Variants in CFAP65 observed in about 807,000 individuals in gnomAD.
CFAP65 encodes cilia and flagella associated protein 65.
In CFAP65, 155 loss-of-function variants were observed where a neutral mutation model predicts 208.0. That is an observed-to-expected ratio of 0.75 (90% CI 0.65 to 0.85). CFAP65 has a LOEUF of 0.85. CFAP65 is among the 40% of genes least tolerant of loss of function. CFAP65 has a pLI of 0.00. For missense variants in CFAP65, 2,294 were observed against 2,451.3 expected (o/e 0.94, Z 1.36); for synonymous variants, 970 against 986.3 (o/e 0.98, Z 0.31).
intron 13 of CFAP65, chr2:219,027,253 CTT>C: frequency 2.2e-6 from 3 of 1,363,892 alleles, no homozygotes; most frequent in Non-Finnish European, 2.8e-6. Context: ...GTGCTGCTGA[CTT>C]TGTCTCTAGG....
intron 19 of CFAP65, among the ~76,000 whole-genome samples, chr2:219,020,049 T>G (rs940247392): frequency 6.7e-6 from 1 of 149,414 alleles, no homozygotes; most frequent in African/African-American, 2.5e-5. Flanking sequence ...ACAATTCAGT[T>G]TTTTTTTTTT....
chr2:219,025,060 C>T (rs928239974), intron 14 of CFAP65, among the ~76,000 whole-genome samples: 1 of 152,222 alleles, frequency 6.6e-6, no homozygotes, highest in Non-Finnish European at 1.5e-5. Context: ...GTGGCCAGCA[C>T]CAGCTGAGAG....
At position 219,009,403 on chromosome 2, in the gene CFAP65, C is replaced by T; in HGVS notation, c.4510G>A (p.Val1504Met). The change falls in exon 28 of 35, where the codon GTG becomes ATG. Residue 1504 changes from valine to methionine, a missense_variant. Physicochemically the swap from Val to Met is conservative, Grantham distance 21. Around this residue, in one of 2 missense-constraint regions of CFAP65, gnomAD observed 1,427 missense variants for 1,438.7 expected, o/e 0.99. Coordinates refer to ENST00000341552, the MANE Select transcript of CFAP65 (RefSeq NM_194302.4). The stretch of plus-strand genomic sequence containing the variant: ...GCATGCACAGAGGCCCTCAAGGTCA[C>T]CACAAATGGGACCGTCTCTTCAGGA... The part of the protein sequence containing the change: ...VAPEETVPFV[V>M]TLRASVHASF... The T allele has an allele frequency of 1.2e-6, 2 of 1,612,742 alleles. No individual in the cohort carries two copies. The highest frequency in any genetic ancestry group is 1.7e-6 in the Non-Finnish European group (2 of 1,179,958).
chr2:219,011,458 T>A (rs1946479987), intron 24 of CFAP65, among the ~76,000 whole-genome samples: 1 of 151,938 alleles, frequency 6.6e-6, no homozygotes, highest in South Asian at 2.1e-4. Context: ...AATATATATA[T>A]TTTTTAGAGA....
At chr2:219,036,198 C>T (rs973821380) in intron 4 of CFAP65, among the ~76,000 whole-genome samples, 2 of 152,210 alleles carry the variant, frequency 1.3e-5, no homozygotes, top group Non-Finnish European at 2.9e-5. Flanking sequence ...CTGTTCACCC[C>T]ACCCATCCCC....
chr2:219,012,799 T>C (rs1303205020), intron 24 of CFAP65, among the ~76,000 whole-genome samples: 3 of 152,216 alleles, frequency 2.0e-5, no homozygotes, highest in East Asian at 1.9e-4. Context: ...TCTAAATCAA[T>C]GTTGTGGGTC....
At position 219,031,604 on chromosome 2, in the gene CFAP65, C is replaced by T. The variant is rs200856330; in HGVS notation, c.700G>A (p.Gly234Ser). 3.8e-5 allele frequency: 61 copies of T among 1,614,060 alleles called. No individual in the cohort carries two copies. In the East Asian group the frequency reaches 4.5e-4, roughly 12 times the overall value. Reference protein sequence around the residue: ...FEKAEGMFCVGLRATLPCHRL... With the variant: ...FEKAEGMFCVSLRATLPCHRL... ...TGGCAGGGCAGGGTGGCCCGTAGGC[C>T]GACACAGAACATCCCCTCCGCTTTC... Residue 234 changes from glycine to serine, a missense_variant, in exon 7 of 35, where the codon GGC becomes AGC. Transcript: ENST00000341552. This position sits in a 1 kb window ranked among gnomAD's most constrained non-coding sequence, Gnocchi z 5.2.
chr2:219,022,712 T>C (rs1377779019), intron 16 of CFAP65, among the ~76,000 whole-genome samples: 3 of 152,204 alleles, frequency 2.0e-5, no homozygotes, highest in Non-Finnish European at 4.4e-5. Flanking sequence ...CCTGTGCTGG[T>C]GCTTCTTGTC....
chr2:219,031,468 G>C lies in CFAP65; in HGVS notation c.815+21C>G. On this transcript the variant is annotated intron_variant, in intron 7 of 34. Transcript: ENST00000341552. The surrounding 1 kb of genome is among the most constrained non-coding windows in gnomAD (Gnocchi z 5.2). ...CCTCACAGCTCTTGCTCTCCCCGCC[G>C]CACCTCAGCCTCTTCCTCACCCCAC... The C allele has an allele frequency of 6.2e-7, 1 of 1,614,090 alleles. No homozygotes were observed. The highest frequency in any genetic ancestry group is 8.5e-7 in the Non-Finnish European group (1 of 1,179,988).
chr2:219,026,561 T>C (rs1390588161), intron 13 of CFAP65: 1 of 164,290 alleles, frequency 6.1e-6, no homozygotes, highest in African/African-American at 2.4e-5. Flanking sequence ...ATGTTAATAG[T>C]ATATTTTATT....
chr2:219,006,358 T>G (rs1945980715), intron 30 of CFAP65, 107 bp downstream of exon 30: 1 of 1,511,072 alleles, frequency 6.6e-7, no homozygotes, highest in South Asian at 1.1e-5. Flanking sequence ...GGCACTTTCA[T>G]CCCTCCTTTC....
chr2:219,004,644 C>T lies in CFAP65; in HGVS notation c.5052-189G>A, dbSNP rs916991489. Among the ~76,000 whole-genome samples the T allele has an allele frequency of 2.6e-5, 4 of 152,140 alleles. No homozygotes were observed. Among genetic ancestry groups the T allele is most frequent in the Non-Finnish European group, 4.4e-5 (3 of 68,026 alleles). The stretch of plus-strand genomic sequence containing the variant: ...TTTGAGCCTCATGGATTTTTAGAAG[C>T]GAACATGGTATGCTGGAGGCAGGGC... On this transcript the variant is annotated intron_variant, in intron 32 of 34. Coordinates refer to ENST00000341552, the MANE Select transcript of CFAP65 (RefSeq NM_194302.4). This position sits in a 1 kb window ranked among gnomAD's most constrained non-coding sequence, Gnocchi z 4.7.
In CFAP65 at chr2:219,006,453, T is replaced by C. The variant is rs199764758; in HGVS notation, c.4719+12A>G. 526 of 1,613,684 alleles carry C rather than the reference T, an allele frequency of 3.3e-4. 2 individuals carry two copies. The highest frequency in any genetic ancestry group is 6.2e-4 in the East Asian group (28 of 44,872). On this transcript the variant is annotated intron_variant, in intron 30 of 34. Transcript: ENST00000341552. ...TGTCCCAAGAAGATGGGCCTGGGGCTCGCCGCCTCACCTTGTACTTCCTCG... is the reference window on the plus strand; with the variant it reads ...TGTCCCAAGAAGATGGGCCTGGGGCCCGCCGCCTCACCTTGTACTTCCTCG...
chr2:219,040,593 T>C, intron 1 of CFAP65, 29 bp from the exon 2 acceptor site: 1 of 1,552,274 alleles, frequency 6.4e-7, no homozygotes, highest in Non-Finnish European at 8.7e-7. Context: ...AGTCCATTAC[T>C]TTTCTGCCAC....
At position 219,004,305 on chromosome 2, in the gene CFAP65, G is replaced by T. The variant is rs1474429207; in HGVS notation, c.5202C>A (p.Pro1734=). ...CCTTCCCATCCTCCCAGCTGCTGGA[G>T]GGTACAGGCAGGATTGGCATTAAGT... ...SLYLMPILPV[P]SSSWEDGKGK... Residue 1734 remains proline, a synonymous_variant, in exon 33 of 35, where the codon CCC becomes CCA. Coordinates refer to ENST00000341552, the MANE Select transcript of CFAP65 (RefSeq NM_194302.4). The surrounding 1 kb of genome is among the most constrained non-coding windows in gnomAD (Gnocchi z 4.7). 6.2e-7 allele frequency: 1 copy of T among 1,614,142 alleles called. No individual in the cohort carries two copies.
Position 219,008,622 on chromosome 2 carries a change from G to A in CFAP65, c.4674+425C>T, listed in dbSNP as rs192201800. ...TAGTCAGGTATAGTGGTGGGCACCT[G>A]TAGTCCCAGCTACTCAGGAGGCTGA... On this transcript the variant is annotated intron_variant, in intron 29 of 34. Coordinates refer to ENST00000341552, the MANE Select transcript of CFAP65 (RefSeq NM_194302.4). Among the ~76,000 whole-genome samples the A allele has an allele frequency of 9.5e-4, 145 of 152,310 alleles. 1 individual carries two copies. Among genetic ancestry groups the A allele is most frequent in the African/African-American group, 3.4e-3 (141 of 41,564 alleles).
chr2:219,003,012 G>C lies in CFAP65; in HGVS notation c.5703C>G (p.Thr1901=), dbSNP rs761169245. 1.6e-5 allele frequency: 25 copies of C among 1,557,952 alleles called. No individual in the cohort carries two copies. In the East Asian group the frequency reaches 5.2e-4, roughly 32 times the overall value. The change falls in exon 35 of 35, where the codon ACC becomes ACG. Residue 1901 remains threonine, a synonymous_variant. Coordinates refer to ENST00000341552, the MANE Select transcript of CFAP65 (RefSeq NM_194302.4). This position sits in a 1 kb window ranked among gnomAD's most constrained non-coding sequence, Gnocchi z 4.4. ...GCTGCGTCGGCAGCAGCGTGTCCGG[G>C]GTCAGACTCCTGGAAGACAAAAAGT... ...LPPFCVPRSL[T]PDTLLPTQQA...
chr2:219,005,183 G>A (rs1377077895), intron 32 of CFAP65, among the ~76,000 whole-genome samples: 3 of 151,978 alleles, frequency 2.0e-5, no homozygotes, highest in Non-Finnish European at 1.5e-5. Context: ...GCACCACCAT[G>A]TCCAGCTAAT....
chr2:219,023,836 G>T (rs568111026), intron 15 of CFAP65, among the ~76,000 whole-genome samples, 179 bp downstream of exon 15: 1 of 152,222 alleles, frequency 6.6e-6, no homozygotes, highest in Non-Finnish European at 1.5e-5. Context: ...GGCCCTGAGG[G>T]GTGGGAGAGT....
Sources: allele counts gnomAD v4.1 joint callset (sites outside exome capture counted in the v4.1 genomes callset), GRCh38; gene constraint gnomAD v4.1.1; regional missense constraint gnomAD v4.1.1; non-coding constraint Gnocchi (gnomAD v3.1); transcripts MANE v1.5; gene names NCBI Gene and HGNC (gene_info 2026-07-23, HGNC 2026-07-21).